TXNDC15: variants seen among roughly 807,000 people sequenced by gnomAD.
TXNDC15 encodes the protein thioredoxin domain-containing protein 15.
TXNDC15 carries 24 observed loss-of-function variants against 35.0 expected under a neutral mutation model. The ratio of observed to expected loss-of-function variants is 0.68; its 90% CI spans 0.50 to 0.96. The LOEUF (loss-of-function observed/expected upper bound fraction) is 0.96, where lower values mean the gene tolerates loss of function less well. TXNDC15 is among the 40% of genes least tolerant of loss of function. The pLI is 0.00. For synonymous variants in TXNDC15, 169 were observed against 174.0 expected, an observed-to-expected ratio of 0.97 and a Z score of 0.23; for missense variants, 385 against 453.3, an observed-to-expected ratio of 0.85 and a Z score of 1.37.
chr5:134,893,333 A>T, intron 2 of TXNDC15, 159 bp from the exon 3 acceptor site: 1 of 732,490 alleles, frequency 1.4e-6, no homozygotes, highest in African/African-American at 1.8e-5. Flanking sequence ...TCCTGGATTC[A>T]TATGGTTCAA....
chr5:134,896,138 G>A, intron 3 of TXNDC15, 156 bp from the exon 4 acceptor site: 1 of 792,052 alleles, frequency 1.3e-6, no homozygotes, highest in East Asian at 3.0e-5. Flanking sequence ...AAAGAGGTCA[G>A]AAACAAATGA....
intron 1 of TXNDC15, among the ~76,000 whole-genome samples, chr5:134,876,618 C>T (rs1043063146): frequency 6.6e-6 from 1 of 151,998 alleles, no homozygotes; most frequent in African/African-American, 2.4e-5. Context: ...AGAACCCTGG[C>T]TGATTCAGGG....
At chr5:134,874,287 G>A, upstream of TXNDC15, 2 of 669,498 alleles carry the variant, frequency 3.0e-6, no homozygotes, top group South Asian at 4.1e-5. Context: ...CCGACTCCAA[G>A]ATGGCGCCCG....
At chr5:134,888,384 C>G (rs374082132) in intron 2 of TXNDC15, among the ~76,000 whole-genome samples, 56 of 152,230 alleles carry the variant, frequency 3.7e-4, no homozygotes, top group African/African-American at 1.2e-3. Flanking sequence ...GTTGATTATG[C>G]TTTTCAGATG....
intron 2 of TXNDC15, among the ~76,000 whole-genome samples, chr5:134,889,317 C>T (rs1398334932): frequency 6.6e-5 from 10 of 152,146 alleles, no homozygotes; most frequent in South Asian, 2.1e-4. Flanking sequence ...CTCTGCCTCC[C>T]GGGTTCAAGT....
chr5:134,885,368 ATACTC>A (rs1232117101), intron 1 of TXNDC15, among the ~76,000 whole-genome samples: 1 of 152,202 alleles, frequency 6.6e-6, no homozygotes, highest in African/African-American at 2.4e-5. Context: ...GTCCTTTTGT[ATACTC>A]TACTCAATAC....
In TXNDC15 at chr5:134,888,138, A is replaced by T. The variant is rs754480761; in HGVS notation, c.547A>T (p.Thr183Ser). ...PKVNCEERNI[T>S]GLENFTLKIL... is the part of the protein sequence containing the mutation. ...GGTGAACTGTGAGGAGAGAAACATT[A>T]CAGGATTAGAAAATTTCACTCTGAA... The change falls in exon 2 of 5, where the codon ACA (threonine) becomes TCA (serine). Residue 183 changes from threonine (T) to serine (S), a missense_variant. Thr to Ser is a moderately conservative substitution (Grantham distance 58). Coordinates refer to ENST00000358387, the MANE Select transcript of TXNDC15 (RefSeq NM_024715.4). The T allele has an allele frequency of 4.3e-6, 7 of 1,609,872 alleles. No homozygotes were observed. Among genetic ancestry groups the T allele is most frequent in the Admixed American group, 1.7e-5 (1 of 59,490 alleles).
At chr5:134,891,479 C>T (rs1038596307) in intron 2 of TXNDC15, among the ~76,000 whole-genome samples, 4 of 152,096 alleles carry the variant, frequency 2.6e-5, no homozygotes, top group African/African-American at 9.7e-5. Flanking sequence ...TTTTTCTGAG[C>T]AGTAGGTCTC....
rs143218475 is a variant in TXNDC15 at position 134,887,831 on chromosome 5, G to C, written c.240G>C (p.Ala80=). The C allele has an allele frequency of 6.2e-7, 1 of 1,614,186 alleles. No homozygotes were observed. The highest frequency in any genetic ancestry group is 8.5e-7 in the Non-Finnish European group (1 of 1,180,030). The change falls in exon 2 of 5, where the codon GCG becomes GCC. Residue 80 remains alanine, a synonymous_variant. Coordinates refer to ENST00000358387, the MANE Select transcript of TXNDC15 (RefSeq NM_024715.4). The part of the protein sequence containing the change: ...GQDRAAEEAN[A]VLGLDTQGDH... The stretch of plus-strand genomic sequence containing the variant: ...ACAGGGCAGCAGAAGAGGCCAATGC[G>C]GTGCTGGGGCTGGACACCCAAGGCG...
Position 134,887,912 on chromosome 5 carries a change from A to C in TXNDC15, c.321A>C (p.Ser107=), listed in dbSNP as rs1022001143. 6.2e-7 allele frequency: 1 copy of C among 1,614,200 alleles called. No individual in the cohort carries two copies. Among genetic ancestry groups the C allele is most frequent in the African/African-American group, 1.3e-5 (1 of 75,066 alleles). The change falls in exon 2 of 5, where the codon TCA becomes TCC. Residue 107 remains serine, a synonymous_variant. Transcript: ENST00000358387. ...GGGAAGCTGAGGACAAAGTGAGTTC[A>C]GAGCCTAGCGGCGTCACCTGTGGTG... ...IPGEAEDKVS[S]EPSGVTCGAG... is the part of the protein sequence containing the mutation.
chr5:134,884,203 G>C (rs1189086213), intron 1 of TXNDC15, among the ~76,000 whole-genome samples: 1 of 136,878 alleles, frequency 7.3e-6, no homozygotes, highest in Non-Finnish European at 1.5e-5. Flanking sequence ...CTGGACGATA[G>C]AGCAAGACTC....
chr5:134,890,455 G>A (rs539543960), intron 2 of TXNDC15, among the ~76,000 whole-genome samples: 9 of 148,964 alleles, frequency 6.0e-5, no homozygotes, highest in African/African-American at 2.2e-4. Flanking sequence ...TCACCCAGGC[G>A]GGAGTGCAGT....
At chr5:134,880,129 C>G (rs1287794667) in intron 1 of TXNDC15, among the ~76,000 whole-genome samples, 1 of 152,058 alleles carries the variant, frequency 6.6e-6, no homozygotes, top group Non-Finnish European at 1.5e-5. Context: ...CTTTGTGTAT[C>G]CTCAGATTGC....
intron 1 of TXNDC15, 87 bp downstream of exon 1, chr5:134,874,617 C>G: frequency 9.4e-7 from 1 of 1,065,418 alleles, no homozygotes; most frequent in East Asian, 2.9e-5. Flanking sequence ...CGAAGGCCGG[C>G]GGTGCGCGAC....
chr5:134,896,519 G>C, intron 4 of TXNDC15, 95 bp downstream of exon 4: 4 of 1,481,920 alleles, frequency 2.7e-6, no homozygotes, highest in Non-Finnish European at 2.7e-6. Flanking sequence ...TTAAGTGAAG[G>C]ATTCAAGACT....
At chr5:134,878,598 G>A (rs1750084257) in intron 1 of TXNDC15, among the ~76,000 whole-genome samples, 1 of 152,230 alleles carries the variant, frequency 6.6e-6, no homozygotes, top group Admixed American at 6.5e-5. Context: ...AGGGCTCCCT[G>A]GCAGAATTGG....
chr5:134,886,960 A>G (rs1750287842), intron 1 of TXNDC15, among the ~76,000 whole-genome samples: 2 of 152,204 alleles, frequency 1.3e-5, no homozygotes, highest in South Asian at 4.1e-4. Context: ...AATGTGTGCA[A>G]AGATGCTTTG....
chr5:134,896,480 CTTCTGTGGG>C, intron 4 of TXNDC15, 56 bp downstream of exon 4: 1 of 1,602,102 alleles, frequency 6.2e-7, no homozygotes, highest in East Asian at 2.2e-5. Context: ...GGGTCTGTGC[CTTCTGTGGG>C]TTCTGATCTG....
At chr5:134,880,405 T>A (rs1750117961) in intron 1 of TXNDC15, among the ~76,000 whole-genome samples, 1 of 152,136 alleles carries the variant, frequency 6.6e-6, no homozygotes, top group Non-Finnish European at 1.5e-5. Flanking sequence ...CTTTTGTATG[T>A]CTGAAGAAGT....
Sources: allele counts gnomAD v4.1 joint callset (sites outside exome capture counted in the v4.1 genomes callset), GRCh38; gene constraint gnomAD v4.1.1; transcripts MANE v1.5; gene names NCBI Gene and HGNC (gene_info 2026-07-23, HGNC 2026-07-21).